VWA5B2: variants seen among roughly 807,000 people sequenced by gnomAD.
VWA5B2 encodes the protein von Willebrand factor A domain containing 5B2.
Under a neutral mutation model 118.5 loss-of-function variants are expected in VWA5B2, and 93 were observed. The ratio of observed to expected loss-of-function variants is 0.79; its 90% CI spans 0.66 to 0.93. VWA5B2 has a LOEUF of 0.93. Ranked by LOEUF, VWA5B2 falls within the 40% of genes least tolerant of loss-of-function variation. The pLI is 0.00. For missense variants in VWA5B2, 1,546 were observed against 1,672.8 expected (o/e 0.92, Z 1.32); for synonymous variants, 708 against 716.3 (o/e 0.99, Z 0.19).
In VWA5B2 at chr3:184,238,767, C is replaced by T; in HGVS notation, c.2096C>T (p.Ala699Val). The stretch of plus-strand genomic sequence containing the variant: ...GGCCCTGGCTCCCCCGAAGGTAGTG[C>T]TCCCTTGGAGCCCCCTTCTCAGCAG... Reference protein sequence around the residue: ...SQGPGSPEGSAPLEPPSQQGC... With the variant: ...SQGPGSPEGSVPLEPPSQQGC... Residue 699 changes from alanine to valine, a missense_variant, in exon 14 of 20, where the codon GCT becomes GTT. By Grantham distance (64) the Ala-to-Val change is moderately conservative. Around this residue, in one of 3 missense-constraint regions of VWA5B2, gnomAD observed 763 missense variants for 766.6 expected, o/e 1.00. Transcript: ENST00000691901. This position sits in a 1 kb window ranked among gnomAD's most constrained non-coding sequence, Gnocchi z 5.0. 1.9e-6 allele frequency: 3 copies of T among 1,550,584 alleles called. No homozygotes were observed. The South Asian group carries it at 3.6e-5, about 18-fold the overall frequency.
chr3:184,242,176 G>A lies in VWA5B2; in HGVS notation c.*138G>A. ...CACTGCTTCTTACTCCCTCCCTAGA[G>A]CCCTCTTGCCCCCACAAAAAGTGCC... is the stretch of plus-strand genomic sequence containing the variant. On this transcript the variant is annotated 3_prime_UTR_variant, in exon 20 of 20. Coordinates refer to ENST00000691901, the MANE Select transcript of VWA5B2 (RefSeq NM_001390846.1). 3 of 1,118,904 alleles carry A rather than the reference G, an allele frequency of 2.7e-6. No homozygotes were observed. Among genetic ancestry groups the A allele is most frequent in the Non-Finnish European group, 3.8e-6 (3 of 796,536 alleles). The allele number at this position is 1,118,904 out of a possible 1,614,324, so 69.3% of individuals were successfully genotyped here.
Position 184,230,663 on chromosome 3 carries a change from G to T in VWA5B2, c.135G>T (p.Val45=), listed in dbSNP as rs1041427472. The T allele has an allele frequency of 7.6e-7, 1 of 1,314,668 alleles. No homozygotes were observed. Among genetic ancestry groups the T allele is most frequent in the Non-Finnish European group, 9.7e-7 (1 of 1,035,890 alleles). 81.4% of individuals were successfully genotyped at this position (1,314,668 alleles called of 1,614,324 possible). ...ACCGCAACCCGCAGCCGCAGCCGGTGGACGGTGAGGCCCGGGTGGGGCGCG... is the reference window on the plus strand; with the variant it reads ...ACCGCAACCCGCAGCCGCAGCCGGTTGACGGTGAGGCCCGGGTGGGGCGCG... The part of the protein sequence containing the change: ...LTYRNPQPQP[V]DGVFVYPLAE... Residue 45 remains valine (V), a synonymous_variant, in exon 2 of 20, where the codon GTG becomes GTT. Coordinates refer to ENST00000691901, the MANE Select transcript of VWA5B2 (RefSeq NM_001390846.1).
intron 16 of VWA5B2, 30 bp from the exon 17 acceptor site, chr3:184,240,761 G>A (rs751310783): frequency 1.3e-6 from 2 of 1,548,146 alleles, no homozygotes; most frequent in African/African-American, 1.4e-5. Context: ...GGGTGGTGGG[G>A]GCTCCACAGA....
In VWA5B2 at chr3:184,242,294, G is replaced by A; in HGVS notation, c.*256G>A. 1.3e-6 allele frequency: 1 copy of A among 751,150 alleles called. No individual in the cohort carries two copies. Among genetic ancestry groups the A allele is most frequent in the Non-Finnish European group, 2.3e-6 (1 of 441,172 alleles). The allele number at this position is 751,150 out of a possible 1,614,324, so 46.5% of individuals were successfully genotyped here. ...CACAGTGGAAGGGTAGAGAGCCACA[G>A]TCCCCAAATCCTATGCAATAAAGTG... On this transcript the variant is annotated 3_prime_UTR_variant, in exon 20 of 20. Transcript: ENST00000691901.
chr3:184,234,746 G>C lies in VWA5B2; in HGVS notation c.936G>C (p.Gly312=). Residue 312 remains glycine, a synonymous_variant, in exon 7 of 20, where the codon GGG becomes GGC. Coordinates refer to ENST00000691901, the MANE Select transcript of VWA5B2 (RefSeq NM_001390846.1). ...GGCTACAGCGAAGGGACAGTGATGG[G>C]GACCGGCAGGTACCGCCATAGGAGC... The part of the protein sequence containing the change: ...FQRLQRRDSD[G]DRQVWFLQRR... 6.4e-7 allele frequency: 1 copy of C among 1,550,792 alleles called. No individual in the cohort carries two copies. The highest frequency in any genetic ancestry group is 8.7e-7 in the Non-Finnish European group (1 of 1,146,932).
rs1410296321 is a variant in VWA5B2, at chr3:184,242,013, T to G, written c.3704T>G (p.Leu1235Arg). ...HWDQNLQLHL[L>R]CYSPANV ...GACCAAAACCTGCAGCTACACCTGC[T>G]GTGCTACAGCCCAGCGAACGTGTGA... is the stretch of plus-strand genomic sequence containing the variant. Residue 1235 changes from leucine (L) to arginine (R), a missense_variant, in exon 20 of 20, where the codon CTG (leucine) becomes CGG (arginine). Leu to Arg is a moderately radical substitution (Grantham distance 102, BLOSUM62 -2). Coordinates refer to ENST00000691901, the MANE Select transcript of VWA5B2 (RefSeq NM_001390846.1). 1 of 1,550,184 alleles carries G rather than the reference T, an allele frequency of 6.5e-7. No individual in the cohort carries two copies. The highest frequency in any genetic ancestry group is 8.7e-7 in the Non-Finnish European group (1 of 1,146,954).
chr3:184,238,289 A>G lies in VWA5B2; in HGVS notation c.1720-14A>G. 1 of 1,470,884 alleles carries G rather than the reference A, an allele frequency of 6.8e-7. No homozygotes were observed. The highest frequency in any genetic ancestry group is 9.0e-7 in the Non-Finnish European group (1 of 1,106,094). 91.1% of individuals were successfully genotyped at this position (1,470,884 alleles called of 1,614,324 possible). A position where few individuals can be genotyped will look rare whatever the true frequency, so the allele number is the denominator to read the frequency against. ...AACTGCAGTTAATTTTTTTCCCAAT[A>G]ATATTCTCTCTAGGGCCAAGAGCCT... On this transcript the variant is annotated splice_polypyrimidine_tract_variant and intron_variant, in intron 12 of 19. Coordinates refer to ENST00000691901, the MANE Select transcript of VWA5B2 (RefSeq NM_001390846.1). The surrounding 1 kb of genome is among the most constrained non-coding windows in gnomAD (Gnocchi z 5.0).
chr3:184,233,854 C>G lies in VWA5B2; in HGVS notation c.688+121C>G. ...CAGGACAAAAAGACAGGGACCCCAG[C>G]CTCCGGAACATCTGGGTTAGTGGTG... On this transcript the variant is annotated intron_variant, in intron 5 of 19. Coordinates refer to ENST00000691901, the MANE Select transcript of VWA5B2 (RefSeq NM_001390846.1). The surrounding 1 kb of genome is among the most constrained non-coding windows in gnomAD (Gnocchi z 5.2). 7.4e-7 allele frequency: 1 copy of G among 1,353,954 alleles called. No individual in the cohort carries two copies. The highest frequency in any genetic ancestry group is 9.9e-7 in the Non-Finnish European group (1 of 1,010,880). 83.9% of individuals were successfully genotyped at this position (1,353,954 alleles called of 1,614,324 possible).
chr3:184,234,444 A>G, intron 6 of VWA5B2, 47 bp downstream of exon 6: 2 of 1,546,820 alleles, frequency 1.3e-6, no homozygotes, highest in Non-Finnish European at 1.7e-6. Flanking sequence ...CTGCTTCTAC[A>G]TGAATGGGGG....
chr3:184,235,324 G>C lies in VWA5B2; in HGVS notation c.1101+16G>C. The C allele has an allele frequency of 6.4e-7, 1 of 1,550,534 alleles. No individual in the cohort carries two copies. The highest frequency in any genetic ancestry group is 8.7e-7 in the Non-Finnish European group (1 of 1,146,422). ...GGCACACAAGGCCCGTGGGGGTGTG[G>C]TGTGGGCAGGCCTGGGGGTTGGGTG... On this transcript the variant is annotated intron_variant, in intron 8 of 19. Coordinates refer to ENST00000691901, the MANE Select transcript of VWA5B2 (RefSeq NM_001390846.1).
intron 7 of VWA5B2, 81 bp from the exon 8 acceptor site, chr3:184,235,071 GC>G: frequency 6.8e-7 from 1 of 1,468,978 alleles, no homozygotes. Context: ...ACAGAAAAAG[GC>G]CCCAGAGCCA....
chr3:184,236,841 G>T, intron 11 of VWA5B2, 92 bp downstream of exon 11: 1 of 1,138,250 alleles, frequency 8.8e-7, no homozygotes. Flanking sequence ...GCAGGCCATG[G>T]GGGCTCCTGG....
rs1330430369 is a variant in VWA5B2, at chr3:184,239,987, C to T, written c.2691C>T (p.Asp897=). The change falls in exon 16 of 20, where the codon GAC becomes GAT. Residue 897 remains aspartate (D), a synonymous_variant. Coordinates refer to ENST00000691901, the MANE Select transcript of VWA5B2 (RefSeq NM_001390846.1). This position sits in a 1 kb window ranked among gnomAD's most constrained non-coding sequence, Gnocchi z 5.1. ...HRLTAASVVR[D]NEQLALRGGA... is the part of the protein sequence containing the mutation. ...TGACAGCAGCCTCTGTGGTCCGGGA[C>T]AATGAGCAGCTGGCCCTCCGAGGAG... is the stretch of plus-strand genomic sequence containing the variant. The T allele has an allele frequency of 1.1e-5, 17 of 1,550,120 alleles. No homozygotes were observed. The highest frequency in any genetic ancestry group is 1.5e-5 in the Non-Finnish European group (17 of 1,146,644).
chr3:184,241,752 C>G lies in VWA5B2; in HGVS notation c.3443C>G (p.Thr1148Ser). ...GTGGACAGTGGGCGGGGCTCAGACA[C>G]CGAGGCCTCCGAGGGGGCGGAAGGG... ...GQVDSGRGSDTEASEGAEGLG... is the reference protein window; with the variant it reads ...GQVDSGRGSDSEASEGAEGLG... Residue 1148 changes from threonine to serine, a missense_variant, in exon 20 of 20, where the codon ACC becomes AGC. By Grantham distance (58) the Thr-to-Ser change is moderately conservative. Around this residue, in one of 3 missense-constraint regions of VWA5B2, gnomAD observed 763 missense variants for 766.6 expected, o/e 1.00. Coordinates refer to ENST00000691901, the MANE Select transcript of VWA5B2 (RefSeq NM_001390846.1). The surrounding 1 kb of genome is among the most constrained non-coding windows in gnomAD (Gnocchi z 5.1). The G allele has an allele frequency of 6.7e-7, 1 of 1,481,534 alleles. No individual in the cohort carries two copies. The highest frequency in any genetic ancestry group is 8.9e-7 in the Non-Finnish European group (1 of 1,118,834). The allele number at this position is 1,481,534 out of a possible 1,614,324, so 91.8% of individuals were successfully genotyped here. A position where few individuals can be genotyped will look rare whatever the true frequency, so the allele number is the denominator to read the frequency against.
In VWA5B2 at chr3:184,230,601, A is replaced by G; in HGVS notation, c.73A>G (p.Asn25Asp). The G allele has an allele frequency of 6.9e-7, 1 of 1,456,946 alleles. No individual in the cohort carries two copies. The highest frequency in any genetic ancestry group is 9.0e-7 in the Non-Finnish European group (1 of 1,111,518). 90.3% of individuals were successfully genotyped at this position (1,456,946 alleles called of 1,614,324 possible). A position where few individuals can be genotyped will look rare whatever the true frequency, so the allele number is the denominator to read the frequency against. Residue 25 changes from asparagine (N) to aspartate (D), a missense_variant, in exon 2 of 20, where the codon AAC (asparagine) becomes GAC (aspartate). By Grantham distance (23) the Asn-to-Asp change is conservative (BLOSUM62 1). This residue lies in a region of VWA5B2 where 775 missense variants were observed against 882.3 expected (regional missense o/e 0.88). Coordinates refer to ENST00000691901, the MANE Select transcript of VWA5B2 (RefSeq NM_001390846.1). ...LTDSWVRACA[N>D]GPCLSVRARL... ...GGACTCCTGGGTCCGGGCCTGCGCC[A>G]ACGGCCCCTGCCTCAGCGTGCGGGC...
chr3:184,236,680 C>A lies in VWA5B2; in HGVS notation c.1464C>A (p.Leu488=). Reference sequence around the variant, plus strand: ...TGGGGCCCACCTGCCACCAGCTGCTCCAGGGTTTATCTGCCCTCAGCAGAG... The same window carrying A: ...TGGGGCCCACCTGCCACCAGCTGCTACAGGGTTTATCTGCCCTCAGCAGAG... ...FGLGPTCHQL[L]QGLSALSRGQ... Residue 488 remains leucine (L), a synonymous_variant, in exon 11 of 20, where the codon CTC becomes CTA. Transcript: ENST00000691901. 4.5e-6 allele frequency: 7 copies of A among 1,551,432 alleles called. No individual in the cohort carries two copies. Among genetic ancestry groups the A allele is most frequent in the Non-Finnish European group, 6.1e-6 (7 of 1,146,782 alleles).
rs1336502247 is a variant in VWA5B2, at chr3:184,241,353, C to T, written c.3129C>T (p.Asp1043=). 3.2e-6 allele frequency: 5 copies of T among 1,554,024 alleles called. No homozygotes were observed. The Admixed American group carries it at 9.7e-5, about 30-fold the overall frequency. ...GCCGTCACAAACTCTGTAGCCCTGA[C>T]CCGGGCCAGGCCAACAACAGTGAAG... ...MGRRHKLCSP[D]PGQANNSEGS... Residue 1043 remains aspartate (D), a synonymous_variant, in exon 19 of 20, where the codon GAC becomes GAT. Coordinates refer to ENST00000691901, the MANE Select transcript of VWA5B2 (RefSeq NM_001390846.1). This position sits in a 1 kb window ranked among gnomAD's most constrained non-coding sequence, Gnocchi z 5.1.
rs1717670184 is a variant in VWA5B2 at position 184,233,817 on chromosome 3, A to G, written c.688+84A>G. On this transcript the variant is annotated intron_variant, in intron 5 of 19. Transcript: ENST00000691901. This position sits in a 1 kb window ranked among gnomAD's most constrained non-coding sequence, Gnocchi z 5.2. The stretch of plus-strand genomic sequence containing the variant: ...ACTGGAAGGGAAATAAGGCTCAGGG[A>G]TAGGAGGGACACAGGACAAAAAGAC... 2 of 1,499,410 alleles carry G rather than the reference A, an allele frequency of 1.3e-6. No homozygotes were observed. Among genetic ancestry groups the G allele is most frequent in the African/African-American group, 1.4e-5 (1 of 72,208 alleles). 92.9% of individuals were successfully genotyped at this position (1,499,410 alleles called of 1,614,324 possible).
chr3:184,240,351 C>T (rs1323320803), intron 16 of VWA5B2: 7 of 371,464 alleles, frequency 1.9e-5, no homozygotes, highest in African/African-American at 4.1e-5. Flanking sequence ...GCACCCACAA[C>T]GTAAAAACAA....
Sources: allele counts gnomAD v4.1 joint callset, GRCh38; gene constraint gnomAD v4.1.1; regional missense constraint gnomAD v4.1.1; non-coding constraint Gnocchi (gnomAD v3.1); transcripts MANE v1.5; gene names NCBI Gene and HGNC (gene_info 2026-07-23, HGNC 2026-07-21).